SLC22A4: variants seen among roughly 807,000 people sequenced by gnomAD.
SLC22A4 encodes solute carrier family 22 member 4.
Under a neutral mutation model 56.6 loss-of-function variants are expected in SLC22A4, and 39 were observed. The ratio of observed to expected loss-of-function variants is 0.69; its 90% CI spans 0.53 to 0.90. SLC22A4 has a LOEUF of 0.90. Among genes scored for constraint, SLC22A4 ranks in the 40% least tolerant of loss-of-function variants. SLC22A4 has a pLI of 0.00. For missense variants in SLC22A4, 594 were observed against 696.5 expected (o/e 0.85, Z 1.66); for synonymous variants, 241 against 281.4 (o/e 0.86, Z 1.44).
intron 1 of SLC22A4, among the ~76,000 whole-genome samples, chr5:132,300,938 G>A (rs1434759180): frequency 5.3e-5 from 8 of 152,240 alleles, no homozygotes; most frequent in Non-Finnish European, 8.8e-5. Context: ...ACCTACTGCA[G>A]GGGTCAGATC....
intron 1 of SLC22A4, among the ~76,000 whole-genome samples, chr5:132,310,716 G>A (rs1226428500): frequency 6.6e-6 from 1 of 152,210 alleles, no homozygotes; most frequent in Non-Finnish European, 1.5e-5. Context: ...CTATTCTCGA[G>A]GACATTATCC....
intron 1 of SLC22A4, among the ~76,000 whole-genome samples, chr5:132,309,833 C>A (rs1404607824): frequency 6.6e-6 from 1 of 152,282 alleles, no homozygotes. Context: ...CATCTAACAG[C>A]CTTCCATTCC....
Position 132,322,301 on chromosome 5 carries a change from G to A in SLC22A4, c.770G>A (p.Arg257Gln), listed in dbSNP as rs1042175063. 16 of 1,613,876 alleles carry A rather than the reference G, an allele frequency of 9.9e-6. No homozygotes were observed. Among genetic ancestry groups the A allele is most frequent in the East Asian group, 2.2e-5 (1 of 44,886 alleles). ...PLFAYFIRDW[R>Q]MLLLALTVPG... ...TTTGCTTACTTCATCAGAGACTGGC[G>A]GATGCTGCTGCTGGCGCTGACGGTG... Residue 257 changes from arginine (R) to glutamine (Q), a missense_variant, in exon 4 of 10, where the codon CGG becomes CAG. Physicochemically the swap from Arg to Gln is conservative, Grantham distance 43 (BLOSUM62 1). Coordinates refer to ENST00000200652, the MANE Select transcript of SLC22A4 (RefSeq NM_003059.3).
At chr5:132,325,871 C>T (rs184085160) in intron 4 of SLC22A4, among the ~76,000 whole-genome samples, 1 of 152,190 alleles carries the variant, frequency 6.6e-6, no homozygotes, top group Non-Finnish European at 1.5e-5. Flanking sequence ...GACACGCCCA[C>T]CCGTGTGCCA....
rs991837095 is a variant in SLC22A4 at position 132,338,964 on chromosome 5, T to C, written c.1445-1601T>C. Among the ~76,000 whole-genome samples the C allele has an allele frequency of 7.2e-5, 11 of 152,200 alleles. No homozygotes were observed. In the East Asian group the frequency reaches 7.7e-4, roughly 11 times the overall value. ...GCATAGGAAATCACAAGGGTGTTGA[T>C]TGGGGAAGTGATAAGTGTCCATGAA... On this transcript the variant is annotated intron_variant, in intron 8 of 9. Transcript: ENST00000200652.
chr5:132,339,200 T>C (rs1023729279), intron 8 of SLC22A4, among the ~76,000 whole-genome samples: 1 of 152,216 alleles, frequency 6.6e-6, no homozygotes, highest in African/African-American at 2.4e-5. Context: ...CTCTTTGCAA[T>C]GGAAGAAATT....
intron 1 of SLC22A4, chr5:132,295,335 C>T (rs1343647882): frequency 3.5e-6 from 2 of 568,926 alleles, no homozygotes; most frequent in Non-Finnish European, 6.8e-6. Flanking sequence ...GCTACCCAGA[C>T]GCACTGCCTG....
chr5:132,316,973 G>A lies in SLC22A4; in HGVS notation c.652+3205G>A, dbSNP rs571721447. ...CAAGATCAAAGTGCCAGCAGGGTTGGTGTCTGGTGAGGGTTCTCCCATTGG... is the reference window on the plus strand; with the variant it reads ...CAAGATCAAAGTGCCAGCAGGGTTGATGTCTGGTGAGGGTTCTCCCATTGG... On this transcript the variant is annotated intron_variant, in intron 3 of 9. Transcript: ENST00000200652. Among the ~76,000 whole-genome samples the A allele has an allele frequency of 1.3e-4, 20 of 152,304 alleles. 1 individual carries two copies. In the South Asian group the frequency reaches 3.9e-3, roughly 30 times the overall value.
chr5:132,306,329 A>G lies in SLC22A4; in HGVS notation c.394-5832A>G, dbSNP rs114719506. 4.3e-3 allele frequency among the ~76,000 whole-genome samples: 609 copies of G among 141,456 alleles called. 2 individuals carry two copies. The highest frequency in any genetic ancestry group is 7.4e-3 in the Non-Finnish European group (478 of 64,706). 92.8% of individuals were successfully genotyped at this position (141,456 alleles called of 152,430 possible). A position where few individuals can be genotyped will look rare whatever the true frequency, so the allele number is the denominator to read the frequency against. ...GTAGCCAAAAAGTGGAAACAACCCA[A>G]CTACTTATCAACTGATGAACAGATC... On this transcript the variant is annotated intron_variant, in intron 1 of 9. Transcript: ENST00000200652.
intron 5 of SLC22A4, among the ~76,000 whole-genome samples, chr5:132,331,338 A>G (rs1038398108): frequency 6.6e-6 from 1 of 152,242 alleles, no homozygotes; most frequent in Non-Finnish European, 1.5e-5. Flanking sequence ...CCATCTAAAA[A>G]AAACAAACAA....
intron 9 of SLC22A4, 61 bp downstream of exon 9, chr5:132,340,761 A>G: frequency 6.8e-7 from 1 of 1,470,694 alleles, no homozygotes. Flanking sequence ...GCATGGAAGA[A>G]TAGCTAGGAA....
chr5:132,304,604 GAGACT>G (rs1418855707), intron 1 of SLC22A4, among the ~76,000 whole-genome samples: 6 of 152,176 alleles, frequency 3.9e-5, no homozygotes, highest in African/African-American at 1.4e-4. Flanking sequence ...GCAACAGAGT[GAGACT>G]TCATCTCGGA....
intron 3 of SLC22A4, among the ~76,000 whole-genome samples, chr5:132,314,277 A>G (rs1188816803): frequency 3.3e-5 from 5 of 152,178 alleles, no homozygotes; most frequent in African/African-American, 1.2e-4. Flanking sequence ...CCCACCCCAG[A>G]GCCTATCAGC....
At chr5:132,318,857 T>G (rs952040799) in intron 3 of SLC22A4, among the ~76,000 whole-genome samples, 22 of 152,102 alleles carry the variant, frequency 1.4e-4, no homozygotes, top group Admixed American at 1.4e-3. Flanking sequence ...AGATAGAGCA[T>G]AGGGGGCCAG....
intron 1 of SLC22A4, among the ~76,000 whole-genome samples, chr5:132,306,402 T>G (rs1460159744): frequency 2.4e-5 from 1 of 41,678 alleles, no homozygotes; most frequent in Non-Finnish European, 4.0e-5. Context: ...TATATATATA[T>G]ATATATATAT....
At chr5:132,303,313 C>T (rs1207375080) in intron 1 of SLC22A4, among the ~76,000 whole-genome samples, 2 of 152,160 alleles carry the variant, frequency 1.3e-5, no homozygotes, top group Admixed American at 6.5e-5. Context: ...CACACACACA[C>T]ATTTAGAGTC....
chr5:132,335,862 G>A lies in SLC22A4; in HGVS notation c.1306G>A (p.Gly436Arg). The change falls in exon 8 of 10, where the codon GGG becomes AGG. Residue 436 changes from glycine (G) to arginine (R), a missense_variant. Transcript: ENST00000200652. The part of the protein sequence containing the change: ...SIGLVMLGKF[G>R]ITSAFSMLYV... ...TGGTCTGGTCATGCTGGGAAAATTT[G>A]GGATCACCTCTGCTTTCTCCATGCT... The A allele has an allele frequency of 6.2e-7, 1 of 1,614,012 alleles. No homozygotes were observed. Among genetic ancestry groups the A allele is most frequent in the Non-Finnish European group, 8.5e-7 (1 of 1,179,974 alleles).
intron 8 of SLC22A4, 135 bp downstream of exon 8, chr5:132,336,135 G>A (rs1198142038): frequency 2.2e-6 from 2 of 910,702 alleles, no homozygotes; most frequent in Non-Finnish European, 3.5e-6. Context: ...TCTCCCAGGA[G>A]GAGCTCTAGA....
Position 132,343,890 on chromosome 5 carries a change from A to G in SLC22A4, c.*55A>G, listed in dbSNP as rs1419566917. 5.2e-6 allele frequency: 6 copies of G among 1,156,006 alleles called. No homozygotes were observed. The highest frequency in any genetic ancestry group is 6.5e-6 in the Non-Finnish European group (5 of 774,964). The allele number at this position is 1,156,006 out of a possible 1,614,324, so 71.6% of individuals were successfully genotyped here. ...AAAACAGAAAAATAAGACCCTGTGG[A>G]GAAATTCGTTGTTCCCACTGAAATG... On this transcript the variant is annotated 3_prime_UTR_variant, in exon 10 of 10. Transcript: ENST00000200652.
Sources: gnomAD v4.1 joint callset for allele counts (sites outside exome capture counted in the v4.1 genomes callset) on GRCh38, gnomAD v4.1.1 for gene constraint, MANE v1.5 for transcripts, NCBI Gene and HGNC (gene_info 2026-07-23, HGNC 2026-07-21) for gene names.